CEP128: variants seen among roughly 807,000 people sequenced by gnomAD.
CEP128 encodes the protein centrosomal protein 128, also known as centrosomal protein 128kDa.
A neutral mutation model predicts 156.7 loss-of-function variants in CEP128; 132 were observed. The observed-to-expected ratio is 0.84, with a 90% CI of 0.73 to 0.97. The LOEUF (loss-of-function observed/expected upper bound fraction) is 0.97, where lower values mean the gene tolerates loss of function less well. Among genes scored for constraint, CEP128 ranks in the 50% least tolerant of loss-of-function variants. The pLI is 0.00. For missense variants in CEP128, 1,252 were observed against 1,281.9 expected, an observed-to-expected ratio of 0.98 and a Z score of 0.36; for synonymous variants, 469 against 448.9, an observed-to-expected ratio of 1.04 and a Z score of -0.57.
At chr14:80,642,327 G>A (rs1029885795) in intron 19 of CEP128, among the ~76,000 whole-genome samples, 1 of 152,152 alleles carries the variant, frequency 6.6e-6, no homozygotes, top group African/African-American at 2.4e-5. Context: ...AGTAGAACAT[G>A]GGATGTGTAA....
At chr14:80,886,033 A>G (rs1888781511) in intron 8 of CEP128, among the ~76,000 whole-genome samples, 1 of 152,100 alleles carries the variant, frequency 6.6e-6, no homozygotes, top group African/African-American at 2.4e-5. Flanking sequence ...GATATCAGAG[A>G]TTGAAGATCA....
intron 14 of CEP128, among the ~76,000 whole-genome samples, chr14:80,481,663 G>A (rs984389599): frequency 6.6e-6 from 1 of 152,210 alleles, no homozygotes; most frequent in Non-Finnish European, 1.5e-5. Context: ...CAGCAAAGAG[G>A]CATGAGAGGT....
At chr14:80,554,105 T>A (rs1034292349) in intron 21 of CEP128, among the ~76,000 whole-genome samples, 1 of 152,194 alleles carries the variant, frequency 6.6e-6, no homozygotes, top group Admixed American at 6.5e-5. Flanking sequence ...TATTCATTTA[T>A]GGGGATGGCC....
intron 19 of CEP128, among the ~76,000 whole-genome samples, chr14:80,612,912 C>A (rs1251976027): frequency 6.6e-6 from 1 of 152,046 alleles, no homozygotes; most frequent in African/African-American, 2.4e-5. Context: ...ACTATCTCGG[C>A]TCACTGCAAC....
chr14:80,935,474 C>T (rs1885732745), intron 2 of CEP128, among the ~76,000 whole-genome samples: 1 of 151,130 alleles, frequency 6.6e-6, no homozygotes, highest in Non-Finnish European at 1.5e-5. Flanking sequence ...TTGTTTGAAC[C>T]CAGAAGGCAG....
chr14:80,542,302 T>C (rs192142195), intron 21 of CEP128, among the ~76,000 whole-genome samples: 163 of 152,346 alleles, frequency 1.1e-3, no homozygotes, highest in African/African-American at 3.8e-3. Flanking sequence ...TACATTTCAA[T>C]TTTATTAAAT....
At position 80,928,641 on chromosome 14, in the gene CEP128, T is replaced by C. The variant is rs181234108; in HGVS notation, c.-16+10744A>G. ...ATATGAAGAAAATCTCCAAGAAATA[T>C]GGAATTATGTAAAATGGCCAAACCT... On this transcript the variant is annotated intron_variant, in intron 2 of 24. Coordinates refer to ENST00000555265, the MANE Select transcript of CEP128 (RefSeq NM_152446.5). Among the ~76,000 whole-genome samples, 96 of 152,246 alleles carry C rather than the reference T, an allele frequency of 6.3e-4. 1 individual carries two copies. The East Asian group carries it at 0.012, about 18-fold the overall frequency.
chr14:80,814,894 T>G (rs941125577), intron 13 of CEP128, among the ~76,000 whole-genome samples: 3 of 152,074 alleles, frequency 2.0e-5, no homozygotes, highest in African/African-American at 7.2e-5. Flanking sequence ...CTGTCTCTAC[T>G]AAAAATACAA....
chr14:80,619,059 C>T (rs1386576899), intron 19 of CEP128, among the ~76,000 whole-genome samples: 3 of 152,132 alleles, frequency 2.0e-5, no homozygotes, highest in Non-Finnish European at 4.4e-5. Context: ...TAAAAATGAA[C>T]ACTGCCCGCA....
rs1234749935 is a variant in CEP128 at position 80,939,544 on chromosome 14, C to A, written c.-171-4G>T. The stretch of plus-strand genomic sequence containing the variant: ...CCCTACACTTTCCCCAAACCACCTA[C>A]AAATAAACAAAACAAGGGGGTAAGA... On this transcript the variant is annotated splice_polypyrimidine_tract_variant and splice_region_variant and intron_variant, in intron 1 of 24. Coordinates refer to ENST00000555265, the MANE Select transcript of CEP128 (RefSeq NM_152446.5). 1 of 152,136 alleles carries A rather than the reference C, an allele frequency of 6.6e-6. No homozygotes were observed. Among genetic ancestry groups the A allele is most frequent in the Non-Finnish European group, 1.5e-5 (1 of 68,026 alleles). 9.4% of individuals were successfully genotyped at this position (152,136 alleles called of 1,614,324 possible).
At chr14:80,890,748 C>T (rs1251010743) in intron 8 of CEP128, among the ~76,000 whole-genome samples, 1 of 151,996 alleles carries the variant, frequency 6.6e-6, no homozygotes, top group Non-Finnish European at 1.5e-5. Flanking sequence ...ACCTATGTAA[C>T]AAACCTGCAT....
In CEP128 at chr14:80,893,122, T is replaced by C. The variant is rs116569709; in HGVS notation, c.645+2596A>G. Among the ~76,000 whole-genome samples the C allele has an allele frequency of 3.7e-3, 562 of 152,028 alleles. 3 individuals are homozygous for C. Among genetic ancestry groups the C allele is most frequent in the African/African-American group, 0.013 (522 of 41,544 alleles). On this transcript the variant is annotated intron_variant, in intron 8 of 24. Transcript: ENST00000555265. ...GAATAAAGAAACTGTGGTACATATA[T>C]ACAATGAAATATTACTCAGCCTTAA...
At chr14:80,913,439 C>T (rs952817128) in intron 4 of CEP128, among the ~76,000 whole-genome samples, 2 of 152,092 alleles carry the variant, frequency 1.3e-5, no homozygotes, top group South Asian at 2.1e-4. Flanking sequence ...TAAAGCAAAT[C>T]GCACATATGC....
chr14:80,839,514 C>T (rs1004698033), intron 10 of CEP128, among the ~76,000 whole-genome samples: 2 of 152,084 alleles, frequency 1.3e-5, no homozygotes, highest in Non-Finnish European at 2.9e-5. Context: ...AACACACACA[C>T]ACACACACAA....
chr14:80,889,171 G>A (rs1171933395), intron 8 of CEP128, among the ~76,000 whole-genome samples: 1 of 152,216 alleles, frequency 6.6e-6, no homozygotes, highest in East Asian at 1.9e-4. Flanking sequence ...TCATGGACAT[G>A]AAGAATCAAT....
chr14:80,618,268 CAACA>C (rs1277254625), intron 19 of CEP128, among the ~76,000 whole-genome samples: 2 of 152,102 alleles, frequency 1.3e-5, no homozygotes, highest in African/African-American at 4.8e-5. Context: ...TATGATGTTA[CAACA>C]AACAATCTAT....
chr14:80,618,823 C>T (rs759976330), intron 19 of CEP128, among the ~76,000 whole-genome samples: 1 of 152,168 alleles, frequency 6.6e-6, no homozygotes, highest in Non-Finnish European at 1.5e-5. Context: ...GTTCCTCAAT[C>T]CAGCCCCAGA....
chr14:80,568,532 TCA>T (rs1295651295), intron 20 of CEP128, among the ~76,000 whole-genome samples: 2 of 152,212 alleles, frequency 1.3e-5, no homozygotes, highest in African/African-American at 4.8e-5. Flanking sequence ...GCTTCTGTGT[TCA>T]GTTACCCCTC....
rs189958963 is a variant in CEP128 at position 80,874,371 on chromosome 14, G to A, written c.646-11498C>T. Among the ~76,000 whole-genome samples, 46 of 151,992 alleles carry A rather than the reference G, an allele frequency of 3.0e-4. No individual in the cohort carries two copies. In the East Asian group the frequency reaches 8.8e-3, roughly 29 times the overall value. On this transcript the variant is annotated intron_variant, in intron 8 of 24. Transcript: ENST00000555265. ...CCCAGTTACTCAGGAGGCTGACGCA[G>A]GAGAATCACTTGAATCCAGGAGGTG...
Sources: gnomAD v4.1 joint callset for allele counts (sites outside exome capture counted in the v4.1 genomes callset) on GRCh38, gnomAD v4.1.1 for gene constraint, MANE v1.5 for transcripts, NCBI Gene and HGNC (gene_info 2026-07-23, HGNC 2026-07-21) for gene names.